The following ADAM28 variants were observed in gnomAD, a reference collection of about 807,000 sequenced individuals.
ADAM28 encodes disintegrin and metalloproteinase domain-containing protein 28.
Under a neutral mutation model 101.2 loss-of-function variants are expected in ADAM28, and 105 were observed. The observed-to-expected ratio is 1.04, with a 90% confidence interval of 0.89 to 1.22. The LOEUF (loss-of-function observed/expected upper bound fraction) is 1.22, where lower values mean the gene tolerates loss of function less well. Ranked by LOEUF, ADAM28 falls within the 50% of genes most tolerant of loss-of-function variation. The pLI, the probability that ADAM28 is intolerant of heterozygous loss-of-function variation, is 0.00. For synonymous variants in ADAM28, 322 were observed against 310.6 expected, an observed-to-expected ratio of 1.04 and a Z score of -0.39; for missense variants, 1,028 against 945.4, an observed-to-expected ratio of 1.09 and a Z score of -1.15.
intron 2 of ADAM28, among the ~76,000 whole-genome samples, chr8:24,304,468 C>A (rs934335436): frequency 2.6e-5 from 4 of 151,900 alleles, no homozygotes; most frequent in African/African-American, 9.7e-5. Context: ...ATAAACCTTA[C>A]GTTTCTTGTC....
At chr8:24,297,159 G>GTTC (rs1808075464) in intron 1 of ADAM28, among the ~76,000 whole-genome samples, 1 of 144,548 alleles carries the variant, frequency 6.9e-6, no homozygotes, top group East Asian at 2.0e-4. Context: ...AATGTTGTGG[G>GTTC]TTTTTTTTTG....
At chr8:24,341,894 G>A (rs1423376089) in intron 16 of ADAM28, 137 bp downstream of exon 16, 23 of 1,012,740 alleles carry the variant, frequency 2.3e-5, no homozygotes, top group Non-Finnish European at 3.1e-5. Flanking sequence ...AACCCACAGA[G>A]TTTGAATTTG....
In ADAM28 at chr8:24,339,580, T is replaced by G. The variant is rs761306165; in HGVS notation, c.1670+12T>G. 4.4e-6 allele frequency: 7 copies of G among 1,599,118 alleles called. No individual in the cohort carries two copies. The South Asian group carries it at 7.8e-5, about 18-fold the overall frequency. On this transcript the variant is annotated intron_variant, in intron 15 of 22. Transcript: ENST00000265769. ...CCCTGCAAAGCAAAGTAAGTGGCCTTGTCTGAACCTTCCTGCTTCACAGAC... is the reference window on the plus strand; with the variant it reads ...CCCTGCAAAGCAAAGTAAGTGGCCTGGTCTGAACCTTCCTGCTTCACAGAC...
chr8:24,294,681 G>A (rs111838040), intron 1 of ADAM28, among the ~76,000 whole-genome samples: 2 of 152,020 alleles, frequency 1.3e-5, no homozygotes, highest in African/African-American at 2.4e-5. Context: ...GTAATAATAC[G>A]TGTGACTAAC....
At chr8:24,323,809 T>C (rs1291670051) in intron 8 of ADAM28, 25 bp from the exon 9 acceptor site, 1 of 1,587,160 alleles carries the variant, frequency 6.3e-7, no homozygotes, top group Admixed American at 1.8e-5. Context: ...AATTAATTGC[T>C]TTGCCATTTA....
intron 6 of ADAM28, among the ~76,000 whole-genome samples, chr8:24,319,654 A>G (rs1053875247): frequency 6.6e-6 from 1 of 151,864 alleles, no homozygotes; most frequent in Non-Finnish European, 1.5e-5. Context: ...TCCCTTTTCA[A>G]TGAGTCAATC....
At chr8:24,335,869 G>A (rs1397347038) in intron 14 of ADAM28, 2 of 1,231,150 alleles carry the variant, frequency 1.6e-6, no homozygotes, top group African/African-American at 3.1e-5. Flanking sequence ...CAAGTTTTTT[G>A]TTAATTTTTT....
chr8:24,295,777 T>C (rs1807882215), intron 1 of ADAM28: 1 of 152,248 alleles, frequency 6.6e-6, no homozygotes, highest in Non-Finnish European at 1.5e-5. Flanking sequence ...TTCTAGCTTC[T>C]ATTTTTAAGG....
intron 19 of ADAM28, 33 bp downstream of exon 19, chr8:24,350,005 C>T: frequency 6.3e-7 from 1 of 1,583,334 alleles, no homozygotes; most frequent in Non-Finnish European, 8.7e-7. Flanking sequence ...TGTAGGGACT[C>T]TTTGACCCCT....
rs1208173922 is a variant in ADAM28 at position 24,341,671 on chromosome 8, T to C, written c.1744T>C (p.Phe582Leu). 6.2e-7 allele frequency: 1 copy of C among 1,613,834 alleles called. No homozygotes were observed. The highest frequency in any genetic ancestry group is 1.3e-5 in the African/African-American group (1 of 74,902). The stretch of plus-strand genomic sequence containing the variant: ...GCCCTGGAAAGGACGGATAGTGACT[T>C]TCCTGACATGTAAAACATTTGATCC... ...NLPWKGRIVT[F>L]LTCKTFDPED... The change falls in exon 16 of 23, where the codon TTC becomes CTC. Residue 582 changes from phenylalanine (F) to leucine (L), a missense_variant. By Grantham distance (22) the Phe-to-Leu change is conservative. Transcript: ENST00000265769.
Position 24,325,518 on chromosome 8 carries a change from G to A in ADAM28, c.891-1036G>A, listed in dbSNP as rs900992864. Among the ~76,000 whole-genome samples, 31 of 151,702 alleles carry A rather than the reference G, an allele frequency of 2.0e-4. No individual in the cohort carries two copies. The East Asian group carries it at 6.0e-3, about 29-fold the overall frequency. On this transcript the variant is annotated intron_variant, in intron 9 of 22. Coordinates refer to ENST00000265769, the MANE Select transcript of ADAM28 (RefSeq NM_014265.6). ...TTATTTTTTGCAAATGAGCAAGTGG[G>A]GAGAACTGAAACCACAAAAATGTAG... is the stretch of plus-strand genomic sequence containing the variant.
At chr8:24,327,146 C>G (rs897949602) in intron 10 of ADAM28, among the ~76,000 whole-genome samples, 8 of 152,106 alleles carry the variant, frequency 5.3e-5, no homozygotes, top group African/African-American at 1.9e-4. Flanking sequence ...ATTAGAAAAC[C>G]CCATCGTATC....
At chr8:24,318,672 C>T (rs1014611509) in intron 6 of ADAM28, among the ~76,000 whole-genome samples, 2 of 152,002 alleles carry the variant, frequency 1.3e-5, no homozygotes, top group African/African-American at 4.8e-5. Flanking sequence ...ACACTACCAC[C>T]ACTCATCATT....
intron 1 of ADAM28, among the ~76,000 whole-genome samples, chr8:24,297,052 T>C (rs1288113250): frequency 6.6e-6 from 1 of 152,138 alleles, no homozygotes; most frequent in African/African-American, 2.4e-5. Context: ...TTTAGTTTCT[T>C]TAGAGAATAT....
chr8:24,331,639 T>G (rs1243778242), intron 12 of ADAM28, among the ~76,000 whole-genome samples: 1 of 152,106 alleles, frequency 6.6e-6, no homozygotes, highest in Non-Finnish European at 1.5e-5. Context: ...GACTATGACT[T>G]ACCCAGTATT....
At chr8:24,294,262 G>C in intron 1 of ADAM28, 67 bp downstream of exon 1, 1 of 1,525,098 alleles carries the variant, frequency 6.6e-7, no homozygotes, top group Non-Finnish European at 9.1e-7. Context: ...TCTCCTAATA[G>C]TTTTATTGTA....
intron 2 of ADAM28, among the ~76,000 whole-genome samples, chr8:24,300,312 A>C (rs746080106): frequency 3.9e-5 from 6 of 152,236 alleles, no homozygotes; most frequent in Non-Finnish European, 8.8e-5. Context: ...CTTTTAAAAA[A>C]TCTTCACTAT....
intron 8 of ADAM28, chr8:24,322,551 C>T (rs191932587): frequency 1.3e-5 from 2 of 152,142 alleles, no homozygotes; most frequent in African/African-American, 4.8e-5. Flanking sequence ...AGCTTAGTCA[C>T]AGCTTTAAAG....
chr8:24,320,731 A>G (rs1216980885), intron 7 of ADAM28, among the ~76,000 whole-genome samples: 1 of 151,990 alleles, frequency 6.6e-6, no homozygotes, highest in African/African-American at 2.4e-5. Context: ...AATCTTTGGT[A>G]ATAGTCACTG....
Sources: allele counts gnomAD v4.1 joint callset (sites outside exome capture counted in the v4.1 genomes callset), GRCh38; gene constraint gnomAD v4.1.1; transcripts MANE v1.5; gene names NCBI Gene and HGNC (gene_info 2026-07-23, HGNC 2026-07-21).